Variants in MAK observed in about 807,000 individuals in gnomAD.
MAK encodes the protein male germ cell associated kinase, also known as serine/threonine-protein kinase MAK.
Under a neutral mutation model 82.6 loss-of-function variants are expected in MAK, and 65 were observed. The observed-to-expected ratio is 0.79, with a 90% CI of 0.64 to 0.97. MAK has a LOEUF of 0.97. Among genes scored for constraint, MAK ranks in the 50% least tolerant of loss-of-function variants. The pLI is 0.00. For synonymous variants in MAK, 250 were observed against 274.2 expected, an observed-to-expected ratio of 0.91 and a Z score of 0.87; for missense variants, 703 against 780.2, an observed-to-expected ratio of 0.90 and a Z score of 1.18.
At chr6:10,815,912 G>GTGTGTGTATATATA (rs1554184483) in intron 4 of MAK, among the ~76,000 whole-genome samples, 24 of 108,326 alleles carry the variant, frequency 2.2e-4, no homozygotes, top group East Asian at 1.0e-3. Flanking sequence ...GCTTTATACA[G>GTGTGTGTATATATA]TATATATATA....
intron 10 of MAK, among the ~76,000 whole-genome samples, chr6:10,790,118 T>C (rs1229394551): frequency 2.0e-5 from 3 of 152,198 alleles, no homozygotes; most frequent in Non-Finnish European, 4.4e-5. Context: ...ATGTAAGAGT[T>C]GAAATAACTG....
At chr6:10,806,554 T>C (rs1468353058) in intron 6 of MAK, among the ~76,000 whole-genome samples, 1 of 150,152 alleles carries the variant, frequency 6.7e-6, no homozygotes, top group Non-Finnish European at 1.5e-5. Context: ...AGACGGGGTT[T>C]CACTGTGTTA....
At chr6:10,833,471 G>C (rs1778953750) in intron 1 of MAK, among the ~76,000 whole-genome samples, 1 of 152,124 alleles carries the variant, frequency 6.6e-6, no homozygotes, top group Admixed American at 6.6e-5. Flanking sequence ...TGGGTGTGGT[G>C]GCGCAGGCCT....
intron 5 of MAK, among the ~76,000 whole-genome samples, chr6:10,813,102 A>T (rs376291252): frequency 0.021 from 8 of 388 alleles, no homozygotes; most frequent in South Asian, 0.12. Context: ...ATATATATAT[A>T]TATATATATA....
chr6:10,767,364 C>A (rs1463268924), intron 14 of MAK, among the ~76,000 whole-genome samples: 1 of 152,142 alleles, frequency 6.6e-6, no homozygotes, highest in Non-Finnish European at 1.5e-5. Flanking sequence ...AAACAGGATC[C>A]TGCACTTCTA....
chr6:10,779,587 G>A (rs532358769), intron 11 of MAK: 59 of 506,330 alleles, frequency 1.2e-4, no homozygotes, highest in African/African-American at 4.6e-4. Context: ...AGGGTAAAGA[G>A]GGGGCCCCAA....
In MAK at chr6:10,784,436, T is replaced by C. The variant is rs770170708; in HGVS notation, c.1453A>G (p.Arg485Gly). The C allele has an allele frequency of 5.0e-6, 8 of 1,614,108 alleles. 1 individual carries two copies. The highest frequency in any genetic ancestry group is 5.9e-6 in the Non-Finnish European group (7 of 1,180,038). The change falls in exon 11 of 15, where the codon AGA becomes GGA. Residue 485 changes from arginine (R) to glycine (G), a missense_variant. Transcript: ENST00000354489. The stretch of plus-strand genomic sequence containing the variant: ...TTGCTCTACTTACCTGGAAGATATC[T>C]TGATTGTTTCAAGTAGTACTGTTTA... ...TSKQYYLKQSRYLPGVNPKKV... is the reference protein window; with the variant it reads ...TSKQYYLKQSGYLPGVNPKKV...
In MAK at chr6:10,776,996, C is replaced by T. The variant is rs935287547; in HGVS notation, c.1466-1537G>A. On this transcript the variant is annotated intron_variant, in intron 11 of 14. Coordinates refer to ENST00000354489, the MANE Select transcript of MAK (RefSeq NM_001242957.3). This position sits in a 1 kb window ranked among gnomAD's most constrained non-coding sequence, Gnocchi z 4.3. ...TGGGAGGCAGAGGTTGTGGTGAGCC[C>T]GAGATCGCACCACTGCACTCTAGCC... is the stretch of plus-strand genomic sequence containing the variant. 2.6e-5 allele frequency among the ~76,000 whole-genome samples: 4 copies of T among 151,254 alleles called. No homozygotes were observed. Among genetic ancestry groups the T allele is most frequent in the East Asian group, 3.9e-4 (2 of 5,154 alleles).
At chr6:10,815,912 G>GTGTATATATATATATATATA (rs1554184483) in intron 4 of MAK, among the ~76,000 whole-genome samples, 1 of 108,322 alleles carries the variant, frequency 9.2e-6, no homozygotes, top group African/African-American at 4.6e-5. Context: ...GCTTTATACA[G>GTGTATATATATATATATATA]TATATATATA....
At chr6:10,816,862 T>C (rs1403727533) in intron 4 of MAK, among the ~76,000 whole-genome samples, 1 of 152,122 alleles carries the variant, frequency 6.6e-6, no homozygotes, top group African/African-American at 2.4e-5. Flanking sequence ...AAAAAATACT[T>C]GTAAGTAAAT....
chr6:10,829,169 T>C (rs559088797), intron 2 of MAK: 1 of 152,352 alleles, frequency 6.6e-6, no homozygotes, highest in African/African-American at 2.4e-5. Flanking sequence ...CCACAGAAAC[T>C]ATGTGAATTA....
At chr6:10,828,844 T>C (rs1778569840) in intron 2 of MAK, among the ~76,000 whole-genome samples, 1 of 151,380 alleles carries the variant, frequency 6.6e-6, no homozygotes, top group Non-Finnish European at 1.5e-5. Context: ...AACGAGAAGA[T>C]CATATAAAGA....
In MAK at chr6:10,806,817, C is replaced by T. The variant is rs1017064189; in HGVS notation, c.491+1993G>A. 3.3e-5 allele frequency among the ~76,000 whole-genome samples: 5 copies of T among 151,984 alleles called. 1 individual carries two copies. Among genetic ancestry groups the T allele is most frequent in the Admixed American group, 2.6e-4 (4 of 15,236 alleles). ...TGACCTTCTCCACCATGTTTTGATG[C>T]AGCATAAAAACCCACATCAGAAGCC... On this transcript the variant is annotated intron_variant, in intron 6 of 14. Transcript: ENST00000354489.
At chr6:10,821,240 C>CTCCAGGTCTAGAATTTTAA (rs1777917769) in intron 2 of MAK, among the ~76,000 whole-genome samples, 1 of 152,084 alleles carries the variant, frequency 6.6e-6, no homozygotes, top group African/African-American at 2.4e-5. Context: ...TGAGCCACCA[C>CTCCAGGTCTAGAATTTTAA]ACCCAGCCTG....
chr6:10,835,511 C>T (rs761467730), intron 1 of MAK, among the ~76,000 whole-genome samples: 2 of 152,226 alleles, frequency 1.3e-5, no homozygotes, highest in African/African-American at 2.4e-5. Flanking sequence ...CCACCTGCCT[C>T]GGCCTCCCAA....
intron 2 of MAK, among the ~76,000 whole-genome samples, chr6:10,821,807 C>G (rs1016003853): frequency 6.6e-6 from 1 of 151,328 alleles, no homozygotes; most frequent in Non-Finnish European, 1.5e-5. Flanking sequence ...TGAATAGCCA[C>G]TGCACTCCAG....
chr6:10,815,430 C>T (rs1447835595), intron 4 of MAK, among the ~76,000 whole-genome samples: 1 of 152,086 alleles, frequency 6.6e-6, no homozygotes, highest in Non-Finnish European at 1.5e-5. Flanking sequence ...CAAGACCAGC[C>T]TGGGAAACAT....
chr6:10,810,431 C>G lies in MAK; in HGVS notation c.359-1489G>C, dbSNP rs568641500. Among the ~76,000 whole-genome samples, 5 of 150,362 alleles carry G rather than the reference C, an allele frequency of 3.3e-5. No homozygotes were observed. In the East Asian group the frequency reaches 7.9e-4, roughly 24 times the overall value. Reference sequence around the variant, plus strand: ...CTGGGCTCATTGCAACCTCCGCCTCCTGGGTTCAAGCGATTCTCCTGCCTC... The same window carrying G: ...CTGGGCTCATTGCAACCTCCGCCTCGTGGGTTCAAGCGATTCTCCTGCCTC... On this transcript the variant is annotated intron_variant, in intron 5 of 14. Transcript: ENST00000354489.
rs1175158221 is a variant in MAK, at chr6:10,817,838, A to C, written c.278+12T>G. 4.0e-6 allele frequency: 6 copies of C among 1,481,740 alleles called. No individual in the cohort carries two copies. The highest frequency in any genetic ancestry group is 1.4e-5 in the African/African-American group (1 of 72,428). 91.8% of individuals were successfully genotyped at this position (1,481,740 alleles called of 1,614,324 possible). A position where few individuals can be genotyped will look rare whatever the true frequency, so the allele number is the denominator to read the frequency against. On this transcript the variant is annotated intron_variant, in intron 4 of 14. Transcript: ENST00000354489. ...GAGAGAATAACAGGGAAAAACATGA[A>C]TAAAAACATACCTGTCTTTCATTAA...
Sources: allele counts gnomAD v4.1 joint callset (sites outside exome capture counted in the v4.1 genomes callset), GRCh38; gene constraint gnomAD v4.1.1; non-coding constraint Gnocchi (gnomAD v3.1); transcripts MANE v1.5; gene names NCBI Gene and HGNC (gene_info 2026-07-23, HGNC 2026-07-21).